CEBPZOS: variants seen among roughly 807,000 people sequenced by gnomAD.
CEBPZOS encodes CEBPZ opposite strand.
Under a neutral mutation model 4.8 loss-of-function variants are expected in CEBPZOS, and 10 were observed. The observed-to-expected ratio is 2.07, with a 90% CI of 1.28 to 3.52. The LOEUF (loss-of-function observed/expected upper bound fraction) is 3.52. Among genes scored for constraint, CEBPZOS ranks in the 30% most tolerant of loss-of-function variants. CEBPZOS has a pLI of 0.00. For missense variants in CEBPZOS, 98 were observed against 43.6 expected (o/e 2.25, Z -3.51); for synonymous variants, 25 against 14.2 (o/e 1.77, Z -1.72).
intron 4 of CEBPZOS, chr2:37,210,906 T>C (rs1677700853): frequency 2.9e-6 from 2 of 686,648 alleles, no homozygotes; most frequent in East Asian, 3.3e-5. Flanking sequence ...CTGAATTTTA[T>C]TAATCAAATT....
chr2:37,214,790 T>C (rs116136533), downstream of CEBPZOS: 960 of 749,140 alleles, frequency 1.3e-3, 7 homozygotes, highest in African/African-American at 0.015. Flanking sequence ...TAGTAGATTA[T>C]TGAAGTAGAT....
In CEBPZOS at chr2:37,212,719, C is replaced by A. The variant is rs1224157572; in HGVS notation, c.*3-718C>A. 2.1e-5 allele frequency: 6 copies of A among 290,514 alleles called. No homozygotes were observed. In the South Asian group the frequency reaches 2.5e-4, roughly 12 times the overall value. The allele number at this position is 290,514 out of a possible 1,614,324, so 18.0% of individuals were successfully genotyped here. A position where few individuals can be genotyped will look rare whatever the true frequency, so the allele number is the denominator to read the frequency against. On this transcript the variant is annotated intron_variant, in intron 4 of 4. Coordinates refer to the CEBPZOS transcript ENST00000397064. The stretch of plus-strand genomic sequence containing the variant: ...ACTCTATTAGAACTACTTAAGTGCT[C>A]ATTTTTAATAGGTGTGATACAATAT...
chr2:37,216,135 C>G, downstream of CEBPZOS: 1 of 1,603,600 alleles, frequency 6.2e-7, no homozygotes, highest in Non-Finnish European at 8.5e-7. Flanking sequence ...AAGGTTTATA[C>G]TTACCAGGAA....
downstream of CEBPZOS, among the ~76,000 whole-genome samples, chr2:37,207,855 A>G (rs1335602182): frequency 1.3e-5 from 2 of 152,132 alleles, no homozygotes; most frequent in Non-Finnish European, 2.9e-5. Flanking sequence ...TAAATGAAAC[A>G]AAAAGCTGGT....
intron 1 of CEBPZOS, among the ~76,000 whole-genome samples, chr2:37,199,247 T>C (rs1225706855): frequency 6.6e-6 from 1 of 152,170 alleles, no homozygotes; most frequent in African/African-American, 2.4e-5. Context: ...GTTGTATTAA[T>C]AAATGAAGAA....
chr2:37,214,300 A>G (rs771726140), downstream of CEBPZOS, among the ~76,000 whole-genome samples: 10 of 152,138 alleles, frequency 6.6e-5, no homozygotes, highest in Non-Finnish European at 1.5e-4. Context: ...ATCAAACCTA[A>G]TTAACCAGTC....
At position 37,202,149 on chromosome 2, in the gene CEBPZOS, C is replaced by T. The variant is rs1677278554; in HGVS notation, c.*289C>T. On this transcript the variant is annotated 3_prime_UTR_variant, in exon 5 of 5. Transcript: ENST00000402297. ...GCTCTAAAGATTTTCTCTCCCCAAGCACTTTTACTGGTGAAATAAAAACCA... is the reference window on the plus strand; with the variant it reads ...GCTCTAAAGATTTTCTCTCCCCAAGTACTTTTACTGGTGAAATAAAAACCA... 1 of 282,012 alleles carries T rather than the reference C, an allele frequency of 3.5e-6. No individual in the cohort carries two copies. Among genetic ancestry groups the T allele is most frequent in the African/African-American group, 2.2e-5 (1 of 45,302 alleles). The allele number at this position is 282,012 out of a possible 1,614,324, so 17.5% of individuals were successfully genotyped here.
chr2:37,201,837 A>G (rs775049974), intron 4 of CEBPZOS, 26 bp from the exon 5 acceptor site: 10 of 1,611,130 alleles, frequency 6.2e-6, no homozygotes, highest in Non-Finnish European at 8.5e-6. Flanking sequence ...TTTCTTGATG[A>G]TACTTTTTGC....
rs1173409603 is a variant in CEBPZOS at position 37,204,095 on chromosome 2, A to AT, written c.*2236dup. ...GATATGTATGTTACTTAACAGCTGT[A>AT]TAATACACATTTGCATGCATTAGGA... On this transcript the variant is annotated 3_prime_UTR_variant, in exon 5 of 5. Coordinates refer to ENST00000402297, the MANE Select transcript of CEBPZOS (RefSeq NM_001322374.2). The AT allele has an allele frequency of 6.6e-6, 1 of 152,174 alleles. No homozygotes were observed. The highest frequency in any genetic ancestry group is 1.9e-4 in the East Asian group (1 of 5,202). The allele number at this position is 152,174 out of a possible 1,614,324, so 9.4% of individuals were successfully genotyped here.
intron 1 of CEBPZOS, 84 bp from the exon 2 acceptor site, chr2:37,199,620 G>A (rs779144793): frequency 2.4e-5 from 16 of 663,620 alleles, no homozygotes; most frequent in African/African-American, 3.6e-5. Flanking sequence ...CAAACTGTGG[G>A]AATGAATTTG....
downstream of CEBPZOS, chr2:37,214,841 A>G (rs1220053836): frequency 2.4e-6 from 3 of 1,235,834 alleles, no homozygotes; most frequent in Admixed American, 5.8e-5. Context: ...CTAAAAATTT[A>G]AATTTTAGCA....
intron 1 of CEBPZOS, 122 bp downstream of exon 1, chr2:37,196,642 C>G (rs1676953662): frequency 6.6e-6 from 1 of 152,348 alleles, no homozygotes; most frequent in Admixed American, 6.5e-5. Flanking sequence ...GGAGGATAGT[C>G]AGGTGTCACT....
At chr2:37,212,224 T>G (rs778240471) in intron 4 of CEBPZOS, 92 of 1,083,184 alleles carry the variant, frequency 8.5e-5, no homozygotes, top group Middle Eastern at 4.1e-4. Context: ...CTTCCCAAAC[T>G]TACTTGACTA....
Position 37,203,008 on chromosome 2 carries a change from C to A in CEBPZOS, c.*1148C>A. ...TAAGTTTCTTTTCTTTTTTCTTGGCCCTAAAAAAAATTGTAAGTCTACATT... is the reference window on the plus strand; with the variant it reads ...TAAGTTTCTTTTCTTTTTTCTTGGCACTAAAAAAAATTGTAAGTCTACATT... On this transcript the variant is annotated 3_prime_UTR_variant, in exon 5 of 5. Coordinates refer to ENST00000402297, the MANE Select transcript of CEBPZOS (RefSeq NM_001322374.2). 3 of 1,531,144 alleles carry A rather than the reference C, an allele frequency of 2.0e-6. No individual in the cohort carries two copies. Among genetic ancestry groups the A allele is most frequent in the Non-Finnish European group, 1.8e-6 (2 of 1,142,050 alleles). 94.8% of individuals were successfully genotyped at this position (1,531,144 alleles called of 1,614,324 possible). A position where few individuals can be genotyped will look rare whatever the true frequency, so the allele number is the denominator to read the frequency against.
At chr2:37,208,698 G>C (rs1398226394), downstream of CEBPZOS, among the ~76,000 whole-genome samples, 2 of 152,074 alleles carry the variant, frequency 1.3e-5, no homozygotes, top group Non-Finnish European at 2.9e-5. Flanking sequence ...ACTGAACAGG[G>C]AAAAGTTGAA....
At chr2:37,214,798 G>A (rs1677829186), downstream of CEBPZOS, 7 of 808,564 alleles carry the variant, frequency 8.7e-6, no homozygotes, top group Non-Finnish European at 1.4e-5. Context: ...TATTGAAGTA[G>A]ATTATTTCAT....
chr2:37,202,843 T>A lies in CEBPZOS; in HGVS notation c.*983T>A, dbSNP rs1345208074. ...AATGTTATCAAACTTGGATCCCATA[T>A]TTTCATCCAATAGATGGCCAAACTT... On this transcript the variant is annotated 3_prime_UTR_variant, in exon 5 of 5. Transcript: ENST00000402297. The A allele has an allele frequency of 6.2e-7, 1 of 1,602,336 alleles. No individual in the cohort carries two copies. Among genetic ancestry groups the A allele is most frequent in the Non-Finnish European group, 8.5e-7 (1 of 1,174,822 alleles).
Position 37,203,816 on chromosome 2 carries a change from ATC to A in CEBPZOS, c.*1958_*1959del, listed in dbSNP as rs1184921132. On this transcript the variant is annotated 3_prime_UTR_variant, in exon 5 of 5. Coordinates refer to ENST00000402297, the MANE Select transcript of CEBPZOS (RefSeq NM_001322374.2). ...GATCATATGACATGTGGTTTCCTATATCTGACTTTTTTCATTTAGCATAACGT... is the reference window on the plus strand; with the variant it reads ...GATCATATGACATGTGGTTTCCTATATGACTTTTTTCATTTAGCATAACGT... 6.6e-6 allele frequency: 1 copy of A among 152,096 alleles called. No homozygotes were observed. The highest frequency in any genetic ancestry group is 1.5e-5 in the Non-Finnish European group (1 of 68,020). The allele number at this position is 152,096 out of a possible 1,614,324, so 9.4% of individuals were successfully genotyped here. A position where few individuals can be genotyped will look rare whatever the true frequency, so the allele number is the denominator to read the frequency against.
rs1677292870 is a variant in CEBPZOS at position 37,202,343 on chromosome 2, C to G, written c.*483C>G. ...AGGTTGTAAAGTACCATGAAAAGGT[C>G]TTTCAAAAATATTCCTATCAGCCAG... On this transcript the variant is annotated 3_prime_UTR_variant, in exon 5 of 5. Coordinates refer to ENST00000402297, the MANE Select transcript of CEBPZOS (RefSeq NM_001322374.2). 6.3e-6 allele frequency: 1 copy of G among 159,260 alleles called. No homozygotes were observed. The highest frequency in any genetic ancestry group is 6.4e-5 in the Admixed American group (1 of 15,664). 9.9% of individuals were successfully genotyped at this position (159,260 alleles called of 1,614,324 possible).
Sources: gnomAD v4.1 joint callset for allele counts (sites outside exome capture counted in the v4.1 genomes callset) on GRCh38, gnomAD v4.1.1 for gene constraint, MANE v1.5 for transcripts, NCBI Gene and HGNC (gene_info 2026-07-23, HGNC 2026-07-21) for gene names.